Variants in TCERG1L observed in about 807,000 individuals in gnomAD.
TCERG1L encodes the protein transcription elongation regulator 1-like protein.
In TCERG1L, 37 loss-of-function variants were observed where a neutral mutation model predicts 56.3. The observed-to-expected ratio is 0.66, with a 90% CI of 0.51 to 0.87. The LOEUF is 0.87. Among genes scored for constraint, TCERG1L ranks in the 40% least tolerant of loss-of-function variants. The pLI, the probability that TCERG1L is intolerant of heterozygous loss-of-function variation, is 0.00. For synonymous variants in TCERG1L, 324 were observed against 326.3 expected (o/e 0.99, Z 0.08); for missense variants, 799 against 774.2 (o/e 1.03, Z -0.38).
chr10:131,168,010 G>A (rs115143624), intron 4 of TCERG1L, among the ~76,000 whole-genome samples: 2,338 of 152,288 alleles, frequency 0.015, 75 homozygotes, highest in African/African-American at 0.053. Context: ...TCATGGGTGT[G>A]CAGGGCAGGA....
chr10:131,153,833 C>T (rs141660395), intron 6 of TCERG1L, among the ~76,000 whole-genome samples: 21 of 152,260 alleles, frequency 1.4e-4, no homozygotes, highest in Admixed American at 2.6e-4. Flanking sequence ...GGCCGAGTGA[C>T]GGCAACTAAC....
At chr10:131,116,388 T>TG (rs1236866495) in intron 9 of TCERG1L, among the ~76,000 whole-genome samples, 1 of 152,118 alleles carries the variant, frequency 6.6e-6, no homozygotes, top group African/African-American at 2.4e-5. Flanking sequence ...ATCTGTGCAG[T>TG]GGGTGCTCCC....
chr10:131,242,194 G>A (rs1185953372), intron 4 of TCERG1L, among the ~76,000 whole-genome samples: 4 of 152,108 alleles, frequency 2.6e-5, no homozygotes, highest in Admixed American at 2.0e-4. Flanking sequence ...CTCCCAGCCA[G>A]CAGAGCAATG....
intron 4 of TCERG1L, among the ~76,000 whole-genome samples, chr10:131,176,888 GCACA>G (rs1219762944): frequency 7.6e-5 from 11 of 145,358 alleles, no homozygotes; most frequent in Middle Eastern, 4.3e-3. Flanking sequence ...CAAAACACAT[GCACA>G]CACAGACACA....
intron 6 of TCERG1L, among the ~76,000 whole-genome samples, chr10:131,160,243 G>C (rs1396193438): frequency 6.6e-6 from 1 of 152,200 alleles, no homozygotes; most frequent in Non-Finnish European, 1.5e-5. Flanking sequence ...ATGCTTGCCA[G>C]TTAAAGACGA....
In TCERG1L at chr10:131,271,390, G is replaced by A. The variant is rs572522782; in HGVS notation, c.671-10946C>T. 5.3e-5 allele frequency among the ~76,000 whole-genome samples: 8 copies of A among 152,334 alleles called. No individual in the cohort carries two copies. The South Asian group carries it at 1.7e-3, about 32-fold the overall frequency. On this transcript the variant is annotated intron_variant, in intron 3 of 11. Coordinates refer to ENST00000368642, the MANE Select transcript of TCERG1L (RefSeq NM_174937.4). The stretch of plus-strand genomic sequence containing the variant: ...AAACCCTAGGTAGGAGCCAGCCTCA[G>A]TCCAGAGGACTTCCGTCTCTCCCTG...
chr10:131,221,693 C>T (rs955518894), intron 4 of TCERG1L, among the ~76,000 whole-genome samples: 9 of 152,322 alleles, frequency 5.9e-5, no homozygotes, highest in Admixed American at 5.9e-4. Context: ...GTTTTTGCAG[C>T]AGGGGAGGTC....
At chr10:131,306,782 G>C (rs1161289945) in intron 3 of TCERG1L, among the ~76,000 whole-genome samples, 1 of 152,140 alleles carries the variant, frequency 6.6e-6, no homozygotes, top group Non-Finnish European at 1.5e-5. Flanking sequence ...AGTAAATGAT[G>C]TCCATAAGAT....
chr10:131,150,865 G>A (rs1381449348), intron 6 of TCERG1L, among the ~76,000 whole-genome samples: 1 of 152,170 alleles, frequency 6.6e-6, no homozygotes, highest in African/African-American at 2.4e-5. Flanking sequence ...CTCATGACTG[G>A]GGAGGCCTCA....
rs10534161 is a variant in TCERG1L, at chr10:131,139,690, C to CTG, written c.1190-5244_1190-5243dup. ...AGGCTATGCATATGTGTGTGTGTGT[C>CTG]TGTGTGTGTGTGTGTGTGTGTCTGT... On this transcript the variant is annotated intron_variant, in intron 7 of 11. Coordinates refer to ENST00000368642, the MANE Select transcript of TCERG1L (RefSeq NM_174937.4). Among the ~76,000 whole-genome samples the CTG allele has an allele frequency of 1.9e-3, 279 of 150,300 alleles. 2 individuals carry two copies. The highest frequency in any genetic ancestry group is 5.4e-3 in the African/African-American group (220 of 40,836).
At chr10:131,154,528 C>A (rs1233809362) in intron 6 of TCERG1L, among the ~76,000 whole-genome samples, 2 of 152,196 alleles carry the variant, frequency 1.3e-5, no homozygotes, top group African/African-American at 4.8e-5. Context: ...AGGGCCGCAC[C>A]CAATGCCCTT....
chr10:131,165,475 A>G (rs2133434310), intron 5 of TCERG1L, among the ~76,000 whole-genome samples: 1 of 152,310 alleles, frequency 6.6e-6, no homozygotes, highest in Admixed American at 6.5e-5. Context: ...CAGGTTTTCT[A>G]GTAATAGGAA....
intron 4 of TCERG1L, among the ~76,000 whole-genome samples, chr10:131,171,981 A>G (rs1195366735): frequency 6.6e-6 from 1 of 152,246 alleles, no homozygotes; most frequent in Non-Finnish European, 1.5e-5. Context: ...TATTAGAAAT[A>G]TATCAGTATC....
In TCERG1L at chr10:131,269,771, C is replaced by T. The variant is rs1042832316; in HGVS notation, c.671-9327G>A. Among the ~76,000 whole-genome samples the T allele has an allele frequency of 2.7e-4, 41 of 152,182 alleles. 1 individual carries two copies. The highest frequency in any genetic ancestry group is 2.0e-4 in the Admixed American group (3 of 15,272). On this transcript the variant is annotated intron_variant, in intron 3 of 11. Coordinates refer to ENST00000368642, the MANE Select transcript of TCERG1L (RefSeq NM_174937.4). ...GTAACAGAGACATGAAGTGAGCACA[C>T]GCTGCTGGGAAAACGGCACCCACAG...
At chr10:131,235,492 C>T (rs1475345253) in intron 4 of TCERG1L, among the ~76,000 whole-genome samples, 1 of 152,152 alleles carries the variant, frequency 6.6e-6, no homozygotes, top group Non-Finnish European at 1.5e-5. Flanking sequence ...GATGTGTTTG[C>T]ATCATTTCTA....
At chr10:131,203,787 G>A (rs2133478132) in intron 4 of TCERG1L, among the ~76,000 whole-genome samples, 1 of 152,332 alleles carries the variant, frequency 6.6e-6, no homozygotes, top group Non-Finnish European at 1.5e-5. Flanking sequence ...CCTGGGAAAT[G>A]TGATGGCAGC....
At chr10:131,310,902 G>C (rs1342837632) in intron 1 of TCERG1L, among the ~76,000 whole-genome samples, 1 of 152,218 alleles carries the variant, frequency 6.6e-6, no homozygotes, top group Non-Finnish European at 1.5e-5. Context: ...TTTCAAGTCT[G>C]GCAGAGACTG....
At chr10:131,300,340 C>T (rs904399303) in intron 3 of TCERG1L, among the ~76,000 whole-genome samples, 1 of 152,098 alleles carries the variant, frequency 6.6e-6, no homozygotes, top group Non-Finnish European at 1.5e-5. Context: ...TACGTATTCT[C>T]TCCTTGCCCT....
intron 3 of TCERG1L, among the ~76,000 whole-genome samples, chr10:131,306,021 CGT>C (rs1271487650): frequency 6.6e-6 from 1 of 151,960 alleles, no homozygotes; most frequent in African/African-American, 2.4e-5. Context: ...TGAACATTTA[CGT>C]GTGAGTGTTT....
Sources: gnomAD v4.1 joint callset for allele counts (sites outside exome capture counted in the v4.1 genomes callset) on GRCh38, gnomAD v4.1.1 for gene constraint, MANE v1.5 for transcripts, NCBI Gene and HGNC (gene_info 2026-07-23, HGNC 2026-07-21) for gene names.